Variants in ATP11C observed in about 807,000 individuals in gnomAD.
The protein encoded by ATP11C is phospholipid-transporting ATPase IG.
ATP11C carries 36 observed loss-of-function variants against 97.4 expected under a neutral mutation model. The observed-to-expected ratio is 0.37, with a 90% CI of 0.28 to 0.49. ATP11C has a LOEUF of 0.49. ATP11C is among the 20% of genes least tolerant of loss of function. The pLI is 0.98. For missense variants in ATP11C, 730 were observed against 824.6 expected (o/e 0.89, Z 1.40); for synonymous variants, 275 against 290.9 (o/e 0.95, Z 0.56).
chrX:139,742,958 AC>A (rs2148632360), intron 26 of ATP11C, among the ~76,000 whole-genome samples: 1 of 101,492 alleles, frequency 9.9e-6, no homozygotes, highest in African/African-American at 3.6e-5. Context: ...CTGGTCTTGA[AC>A]TCCTGGGCTC....
intron 1 of ATP11C, among the ~76,000 whole-genome samples, chrX:139,834,010 T>A (rs1053888766): frequency 4.5e-5 from 5 of 111,841 alleles, no homozygotes; most frequent in African/African-American, 1.6e-4. Flanking sequence ...CTCTAGCAAC[T>A]GGGCCAGCAT....
chrX:139,782,728 C>A lies in ATP11C; in HGVS notation c.1771G>T (p.Asp591Tyr), dbSNP rs750761999. 8.6e-7 allele frequency: 1 copy of A among 1,162,494 alleles called. No homozygotes were observed. Among genetic ancestry groups the A allele is most frequent in the South Asian group, 2.0e-5 (1 of 50,873 alleles). Residue 591 changes from aspartate (D) to tyrosine (Y), a missense_variant and splice_region_variant, in exon 18 of 30, where the codon GAT becomes TAT. By Grantham distance (160) the Asp-to-Tyr change is radical. Coordinates refer to ENST00000682941, the MANE Select transcript of ATP11C (RefSeq NM_001353812.2). ...GCTACACAGAGTGTCCGATACCCATCCTAGGAGTAAAGTAGGAGATCTGTA... is the reference window on the plus strand; with the variant it reads ...GCTACACAGAGTGTCCGATACCCATACTAGGAGTAAAGTAGGAGATCTGTA... ...TKVHVERNAMDGYRTLCVAFK... is the reference protein window; with the variant it reads ...TKVHVERNAMYGYRTLCVAFK...
At chrX:139,786,334 G>T (rs2082573424) in intron 15 of ATP11C, among the ~76,000 whole-genome samples, 1 of 111,722 alleles carries the variant, frequency 9.0e-6, no homozygotes, top group African/African-American at 3.3e-5. Context: ...TCTTGCGGGA[G>T]TATATGTATA....
At chrX:139,822,187 G>A (rs1603388944) in intron 2 of ATP11C, among the ~76,000 whole-genome samples, 1 of 111,925 alleles carries the variant, frequency 8.9e-6, no homozygotes. Context: ...GCTTGGAGAC[G>A]TCAGTAAATA....
intron 22 of ATP11C, among the ~76,000 whole-genome samples, chrX:139,759,916 G>C (rs1207815684): frequency 8.9e-6 from 1 of 111,755 alleles, no homozygotes; most frequent in African/African-American, 3.3e-5. Context: ...ACTCAAAAGA[G>C]GCAAAATAAG....
At chrX:139,927,965 CTG>C (rs2085378436) in intron 1 of ATP11C, among the ~76,000 whole-genome samples, 1 of 111,670 alleles carries the variant, frequency 9.0e-6, no homozygotes, top group South Asian at 3.7e-4. Flanking sequence ...AAATATTTTA[CTG>C]AACACCTACT....
chrX:139,894,373 C>T (rs923876820), intron 1 of ATP11C, among the ~76,000 whole-genome samples: 4 of 111,958 alleles, frequency 3.6e-5, no homozygotes, highest in Non-Finnish European at 3.8e-5. Flanking sequence ...TCACTACTTA[C>T]GAATACGAAA....
intron 1 of ATP11C, among the ~76,000 whole-genome samples, chrX:139,929,487 T>A (rs768554613): frequency 8.9e-6 from 1 of 111,980 alleles, no homozygotes; most frequent in Admixed American, 9.5e-5. Flanking sequence ...TAGAAGATGA[T>A]GCTTGTAAGA....
At chrX:139,730,671 G>A (rs750516879) in intron 29 of ATP11C, among the ~76,000 whole-genome samples, 6 of 111,302 alleles carry the variant, frequency 5.4e-5, no homozygotes, top group Admixed American at 9.5e-5. Context: ...ACCCACAATT[G>A]TATTCATGAT....
chrX:139,750,173 G>A (rs1569431780), intron 23 of ATP11C, 21 bp from the exon 24 acceptor site: 1 of 1,145,616 alleles, frequency 8.7e-7, no homozygotes, highest in Admixed American at 2.3e-5. Context: ...AAACAACAGA[G>A]GAAAGAAAGA....
chrX:139,883,637 C>G (rs1008850339), intron 1 of ATP11C, among the ~76,000 whole-genome samples: 3 of 110,719 alleles, frequency 2.7e-5, no homozygotes, highest in African/African-American at 9.8e-5. Flanking sequence ...GAAAATGTAG[C>G]CTTATTTTTT....
intron 23 of ATP11C, among the ~76,000 whole-genome samples, chrX:139,754,210 A>G (rs1410518152): frequency 8.9e-6 from 1 of 111,991 alleles, no homozygotes; most frequent in African/African-American, 3.2e-5. Flanking sequence ...TATGCATACA[A>G]ACTAGAAAAC....
intron 1 of ATP11C, among the ~76,000 whole-genome samples, chrX:139,928,928 T>G (rs183894286): frequency 8.9e-6 from 1 of 112,181 alleles, no homozygotes; most frequent in Admixed American, 9.5e-5. Context: ...ATAAAATAAT[T>G]TCATAAGCCA....
At chrX:139,763,739 T>C (rs2148675085) in intron 20 of ATP11C, among the ~76,000 whole-genome samples, 1 of 112,140 alleles carries the variant, frequency 8.9e-6, no homozygotes, top group South Asian at 3.7e-4. Context: ...TGTTCGTTGT[T>C]TTAGTTTTAT....
chrX:139,837,287 A>G (rs1457711485), intron 1 of ATP11C, among the ~76,000 whole-genome samples: 1 of 112,284 alleles, frequency 8.9e-6, no homozygotes. Context: ...ATAAGAATTT[A>G]CAGCCAACAT....
At chrX:139,775,031 AT>A in intron 18 of ATP11C, 78 bp from the exon 19 acceptor site, 1 of 1,010,464 alleles carries the variant, frequency 9.9e-7, no homozygotes, top group Non-Finnish European at 1.3e-6. Context: ...TAAAGAGAAT[AT>A]TTTTATAATT....
At chrX:139,750,420 A>G (rs1286209809) in intron 23 of ATP11C, among the ~76,000 whole-genome samples, 2 of 111,798 alleles carry the variant, frequency 1.8e-5, no homozygotes, top group African/African-American at 6.5e-5. Context: ...TTTCTAATAG[A>G]CATGAACAAC....
At chrX:139,919,444 AAC>A (rs370999462) in intron 1 of ATP11C, among the ~76,000 whole-genome samples, 25,053 of 73,542 alleles carry the variant, frequency 0.34, 4,100 homozygotes, top group East Asian at 0.53. Context: ...CTCAAACTTA[AAC>A]ACACACACAC....
chrX:139,881,711 T>A (rs1410754758), intron 1 of ATP11C, among the ~76,000 whole-genome samples: 1 of 112,235 alleles, frequency 8.9e-6, no homozygotes, highest in Non-Finnish European at 1.9e-5. Context: ...CTTTGCTCTA[T>A]GGAAATTTCT....
Sources: gnomAD v4.1 joint callset for allele counts (sites outside exome capture counted in the v4.1 genomes callset) on GRCh38, gnomAD v4.1.1 for gene constraint, MANE v1.5 for transcripts, NCBI Gene and HGNC (gene_info 2026-07-23, HGNC 2026-07-21) for gene names.